MAN1C1: variants seen among roughly 807,000 people sequenced by gnomAD.
MAN1C1 encodes mannosyl-oligosaccharide 1,2-alpha-mannosidase IC.
Under a neutral mutation model 71.5 loss-of-function variants are expected in MAN1C1, and 49 were observed. The observed-to-expected ratio is 0.69, with a 90% confidence interval of 0.54 to 0.87. The LOEUF is 0.87. Ranked by LOEUF, MAN1C1 falls within the 40% of genes least tolerant of loss-of-function variation. The pLI, the probability that MAN1C1 is intolerant of heterozygous loss-of-function variation, is 0.00. For missense variants in MAN1C1, 743 were observed against 835.0 expected, an observed-to-expected ratio of 0.89 and a Z score of 1.36; for synonymous variants, 352 against 343.7, an observed-to-expected ratio of 1.02 and a Z score of -0.27.
intron 2 of MAN1C1, among the ~76,000 whole-genome samples, chr1:25,723,337 G>T (rs919541669): frequency 3.9e-5 from 6 of 152,220 alleles, no homozygotes; most frequent in African/African-American, 1.4e-4. Context: ...CCTTTAGGCT[G>T]ACTTGCAACA....
intron 2 of MAN1C1, among the ~76,000 whole-genome samples, chr1:25,724,596 A>G (rs939015545): frequency 1.3e-5 from 2 of 152,188 alleles, no homozygotes; most frequent in Admixed American, 6.5e-5. Context: ...GCCCAGAGGA[A>G]GAGAGTGGGG....
chr1:25,739,489 T>A (rs1254587066), intron 2 of MAN1C1, among the ~76,000 whole-genome samples: 1 of 152,202 alleles, frequency 6.6e-6, no homozygotes, highest in Non-Finnish European at 1.5e-5. Flanking sequence ...TTCTTCTAAA[T>A]GTTCTTCCTG....
At chr1:25,737,422 T>G (rs2046997687) in intron 2 of MAN1C1, among the ~76,000 whole-genome samples, 1 of 152,222 alleles carries the variant, frequency 6.6e-6, no homozygotes, top group South Asian at 2.1e-4. Context: ...GGGATTTCCT[T>G]GGTAGCTGGC....
At chr1:25,703,435 A>G (rs2046474034) in intron 2 of MAN1C1, among the ~76,000 whole-genome samples, 1 of 152,158 alleles carries the variant, frequency 6.6e-6, no homozygotes, top group Non-Finnish European at 1.5e-5. Flanking sequence ...TAATCCCAGC[A>G]TTTTGGGAGG....
chr1:25,685,528 G>A (rs1446833013), intron 1 of MAN1C1, among the ~76,000 whole-genome samples: 1 of 152,240 alleles, frequency 6.6e-6, no homozygotes, highest in Admixed American at 6.5e-5. Context: ...GTTGGGGGTG[G>A]ACTGTGACCT....
chr1:25,662,416 C>T (rs912079039), intron 1 of MAN1C1, among the ~76,000 whole-genome samples: 1 of 152,174 alleles, frequency 6.6e-6, no homozygotes, highest in African/African-American at 2.4e-5. Context: ...TAGTCATATT[C>T]CTCTGTGGAG....
At position 25,782,659 on chromosome 1, in the gene MAN1C1, C is replaced by T. The variant is rs930425202; in HGVS notation, c.1725C>T (p.His575=). The change falls in exon 11 of 12, where the codon CAC becomes CAT. Residue 575 remains histidine (H), a synonymous_variant. Transcript: ENST00000374332. The surrounding 1 kb of genome is among the most constrained non-coding windows in gnomAD (Gnocchi z 4.4). ...IQDVYSSTPN[H]DNKQQSFFLA... is the part of the protein sequence containing the mutation. The stretch of plus-strand genomic sequence containing the variant: ...ACGTGTACAGTAGCACCCCCAACCA[C>T]GACAACAAGCAGCAGAGCTTCTTTC... 8 of 1,613,948 alleles carry T rather than the reference C, an allele frequency of 5.0e-6. No homozygotes were observed. The highest frequency in any genetic ancestry group is 1.3e-5 in the African/African-American group (1 of 74,896).
rs200193440 is a variant in MAN1C1, at chr1:25,749,380, G to C, written c.834+45G>C. The C allele has an allele frequency of 3.4e-6, 5 of 1,486,156 alleles. No homozygotes were observed. The African/African-American group carries it at 5.5e-5, about 16-fold the overall frequency. The allele number at this position is 1,486,156 out of a possible 1,614,324, so 92.1% of individuals were successfully genotyped here. The stretch of plus-strand genomic sequence containing the variant: ...CCCCTGAACTGTCCAGGCTGGAAAG[G>C]GCTTTGGAGAATATCCAGTCCTTCC... On this transcript the variant is annotated intron_variant, in intron 4 of 11. Transcript: ENST00000374332.
intron 4 of MAN1C1, among the ~76,000 whole-genome samples, chr1:25,750,121 C>T (rs190530624): frequency 1.5e-4 from 23 of 152,346 alleles, no homozygotes; most frequent in African/African-American, 5.3e-4. Context: ...CTTCCTTCCC[C>T]AGCATGGATG....
At chr1:25,686,941 C>T (rs1451424058) in intron 2 of MAN1C1, among the ~76,000 whole-genome samples, 1 of 152,066 alleles carries the variant, frequency 6.6e-6, no homozygotes, top group East Asian at 1.9e-4. Context: ...TCGTAGATTG[C>T]TGAACACATA....
intron 1 of MAN1C1, among the ~76,000 whole-genome samples, chr1:25,674,581 G>T (rs1221222498): frequency 6.6e-6 from 1 of 152,196 alleles, no homozygotes; most frequent in Non-Finnish European, 1.5e-5. Context: ...CCAAGCCTGG[G>T]CACTGAAAGA....
chr1:25,679,749 T>C (rs1193064955), intron 1 of MAN1C1, among the ~76,000 whole-genome samples: 2 of 151,854 alleles, frequency 1.3e-5, no homozygotes, highest in Non-Finnish European at 2.9e-5. Flanking sequence ...ATAATATATG[T>C]ATACACATGT....
chr1:25,781,606 T>G (rs1176257192), intron 10 of MAN1C1, among the ~76,000 whole-genome samples: 1 of 152,114 alleles, frequency 6.6e-6, no homozygotes, highest in Admixed American at 6.5e-5. Context: ...AGGTGGAAAT[T>G]TAATGGCTGT....
rs2045423497 is a variant in MAN1C1, at chr1:25,634,111, G to GTA, written c.540+15782_540+15783dup. Among the ~76,000 whole-genome samples the GTA allele has an allele frequency of 1.3e-5, 2 of 152,026 alleles. No homozygotes were observed. Among genetic ancestry groups the GTA allele is most frequent in the South Asian group, 4.2e-4 (2 of 4,814 alleles). ...TGACCTTATTGAACCAATTTATTAT[G>GTA]TATATATATTTTTTGGTAGCTTTCT... On this transcript the variant is annotated intron_variant, in intron 1 of 11. Coordinates refer to ENST00000374332, the MANE Select transcript of MAN1C1 (RefSeq NM_020379.4). This position sits in a 1 kb window ranked among gnomAD's most constrained non-coding sequence, Gnocchi z 4.6.
intron 2 of MAN1C1, among the ~76,000 whole-genome samples, chr1:25,697,531 TG>T (rs1364907531): frequency 1.3e-5 from 2 of 152,274 alleles, no homozygotes; most frequent in Non-Finnish European, 2.9e-5. Context: ...TAAGCTTTTG[TG>T]TAGACATAGG....
chr1:25,744,614 C>T (rs2047103771), intron 2 of MAN1C1, among the ~76,000 whole-genome samples: 1 of 152,162 alleles, frequency 6.6e-6, no homozygotes, highest in Non-Finnish European at 1.5e-5. Flanking sequence ...GCCTCATCTT[C>T]CTCCTAACTT....
chr1:25,729,291 C>G (rs551573574), intron 2 of MAN1C1, among the ~76,000 whole-genome samples: 2 of 152,310 alleles, frequency 1.3e-5, no homozygotes, highest in Non-Finnish European at 2.9e-5. Context: ...TGCTCTCCAC[C>G]CTGCGGGTTC....
intron 1 of MAN1C1, among the ~76,000 whole-genome samples, chr1:25,661,450 A>C (rs1557753910): frequency 6.6e-6 from 1 of 152,240 alleles, no homozygotes; most frequent in Non-Finnish European, 1.5e-5. Flanking sequence ...ATGCAGTTTC[A>C]AACTCTTCCC....
intron 1 of MAN1C1, among the ~76,000 whole-genome samples, chr1:25,621,012 G>A (rs529235522): frequency 6.6e-6 from 1 of 152,340 alleles, no homozygotes; most frequent in South Asian, 2.1e-4. Context: ...ACATGGGTTG[G>A]AGTTTCAGCA....
Sources: gnomAD v4.1 joint callset for allele counts (sites outside exome capture counted in the v4.1 genomes callset) on GRCh38, gnomAD v4.1.1 for gene constraint, Gnocchi (gnomAD v3.1) non-coding constraint, MANE v1.5 for transcripts, NCBI Gene and HGNC (gene_info 2026-07-23, HGNC 2026-07-21) for gene names.